PTPRM: variants seen among roughly 807,000 people sequenced by gnomAD.
The protein encoded by PTPRM is protein tyrosine phosphatase receptor type M, also known as receptor-type tyrosine-protein phosphatase mu.
Under a neutral mutation model 186.7 loss-of-function variants are expected in PTPRM, and 47 were observed. The observed-to-expected ratio is 0.25, with a 90% CI of 0.20 to 0.32. The LOEUF (loss-of-function observed/expected upper bound fraction) is 0.32, where lower values mean the gene tolerates loss of function less well. Ranked by LOEUF, PTPRM falls within the 10% of genes least tolerant of loss-of-function variation. PTPRM has a pLI of 1.00. For synonymous variants in PTPRM, 668 were observed against 674.9 expected (o/e 0.99, Z 0.16); for missense variants, 1,494 against 1,865.0 (o/e 0.80, Z 3.66).
intron 2 of PTPRM, among the ~76,000 whole-genome samples, chr18:7,873,979 GTCGAA>G (rs2048104021): frequency 6.6e-6 from 1 of 150,822 alleles, no homozygotes; most frequent in African/African-American, 2.5e-5. Context: ...CGTAGCAGGT[GTCGAA>G]AGTGTAAATT....
intron 7 of PTPRM, among the ~76,000 whole-genome samples, chr18:8,066,962 C>G (rs1475154171): frequency 6.6e-6 from 1 of 152,218 alleles, no homozygotes; most frequent in Non-Finnish European, 1.5e-5. Context: ...GGTACACAGA[C>G]AGAAGCCTTT....
At chr18:7,718,324 T>G (rs1045789701) in intron 1 of PTPRM, among the ~76,000 whole-genome samples, 9 of 152,140 alleles carry the variant, frequency 5.9e-5, no homozygotes, top group Non-Finnish European at 5.9e-5. Flanking sequence ...GGACACCCTA[T>G]TCAATAAATG....
Position 8,296,395 on chromosome 18 carries a change from T to C in PTPRM, c.2782T>C (p.Trp928Arg). 6.2e-7 allele frequency: 1 copy of C among 1,611,244 alleles called. No individual in the cohort carries two copies. The highest frequency in any genetic ancestry group is 8.5e-7 in the Non-Finnish European group (1 of 1,177,416). The change falls in exon 20 of 33, where the codon TGG becomes CGG. Residue 928 changes from tryptophan to arginine, a missense_variant. By Grantham distance (101) the Trp-to-Arg change is moderately radical. This residue lies in a region of PTPRM where 1,107 missense variants were observed against 1,350.2 expected (regional missense o/e 0.82). Transcript: ENST00000580170. ...CTTCTTTGAAGGGCAGTCTGCACCA[T>C]GGGACTCGGCTAAGAAAGATGAGAA... ...ESFFEGQSAP[W>R]DSAKKDENRM...
chr18:7,788,553 T>C (rs2145176621), intron 2 of PTPRM, among the ~76,000 whole-genome samples: 1 of 152,286 alleles, frequency 6.6e-6, no homozygotes, highest in East Asian at 1.9e-4. Context: ...GAAATTGTCA[T>C]ATATATTGTA....
chr18:7,574,482 CAAAT>C (rs924390746), intron 1 of PTPRM, among the ~76,000 whole-genome samples: 1 of 152,134 alleles, frequency 6.6e-6, no homozygotes, highest in African/African-American at 2.4e-5. Flanking sequence ...ATATTTAATT[CAAAT>C]AAATATTTAT....
chr18:8,392,448 C>T (rs1419665674), intron 31 of PTPRM, among the ~76,000 whole-genome samples: 2 of 151,956 alleles, frequency 1.3e-5, no homozygotes, highest in Non-Finnish European at 2.9e-5. Flanking sequence ...CACGGTGAAA[C>T]CCCATCTCTA....
In PTPRM at chr18:7,648,857, C is replaced by G. The variant is rs114200682; in HGVS notation, c.73+80966C>G. On this transcript the variant is annotated intron_variant, in intron 1 of 32. Transcript: ENST00000580170. ...AGATGCAGCCTGTTATCCAGAAGAT[C>G]TGGCTGAGATAATTGATGAAGGTGG... is the stretch of plus-strand genomic sequence containing the variant. 6.2e-3 allele frequency among the ~76,000 whole-genome samples: 948 copies of G among 152,300 alleles called. 10 individuals carry two copies. The highest frequency in any genetic ancestry group is 0.021 in the African/African-American group (881 of 41,568).
intron 14 of PTPRM, among the ~76,000 whole-genome samples, chr18:8,163,541 A>G (rs2093269153): frequency 6.6e-6 from 1 of 152,216 alleles, no homozygotes; most frequent in South Asian, 2.1e-4. Context: ...ACAATATTTT[A>G]CCAAAGGAAC....
chr18:7,790,577 C>G (rs569217706), intron 2 of PTPRM, among the ~76,000 whole-genome samples: 118 of 152,312 alleles, frequency 7.7e-4, no homozygotes, highest in African/African-American at 2.6e-3. Flanking sequence ...GATTATTTTT[C>G]TTTCCTCCCT....
At chr18:7,771,531 G>A (rs1244047797) in intron 1 of PTPRM, among the ~76,000 whole-genome samples, 2 of 152,198 alleles carry the variant, frequency 1.3e-5, no homozygotes, top group Non-Finnish European at 2.9e-5. Flanking sequence ...ACCCGTTGTT[G>A]TCAAGTGAAA....
At chr18:7,953,841 G>A (rs1054415854) in intron 6 of PTPRM, among the ~76,000 whole-genome samples, 2 of 152,194 alleles carry the variant, frequency 1.3e-5, no homozygotes, top group Non-Finnish European at 2.9e-5. Context: ...ATGCAAGAGG[G>A]TAGCAGAAAT....
At chr18:8,316,815 A>G (rs1199149546) in intron 21 of PTPRM, among the ~76,000 whole-genome samples, 1 of 152,238 alleles carries the variant, frequency 6.6e-6, no homozygotes, top group Non-Finnish European at 1.5e-5. Context: ...CGAGTGGCTC[A>G]GTCCCACTGA....
In PTPRM at chr18:7,955,236, G is replaced by A. The variant is rs769759315; in HGVS notation, c.954G>A (p.Val318=). 9 of 1,614,126 alleles carry A rather than the reference G, an allele frequency of 5.6e-6. No homozygotes were observed. In the South Asian group the frequency reaches 9.9e-5, roughly 18 times the overall value. The change falls in exon 7 of 33, where the codon GTG becomes GTA. Residue 318 remains valine (V), a synonymous_variant. Coordinates refer to ENST00000580170, the MANE Select transcript of PTPRM (RefSeq NM_001105244.2). ...ATGGGCCCATTGTGGCCCGAGAGGTGGAGTACTGCACGGCCAGTGGGAGCT... is the reference window on the plus strand; with the variant it reads ...ATGGGCCCATTGTGGCCCGAGAGGTAGAGTACTGCACGGCCAGTGGGAGCT... ...NGDGPIVARE[V]EYCTASGSWN...
chr18:8,067,190 A>G (rs2089147484), intron 7 of PTPRM, among the ~76,000 whole-genome samples: 2 of 152,188 alleles, frequency 1.3e-5, no homozygotes, highest in Non-Finnish European at 2.9e-5. Context: ...CCTGTGATGA[A>G]TAGGAGGCCT....
intron 1 of PTPRM, among the ~76,000 whole-genome samples, chr18:7,639,286 C>G (rs952890990): frequency 6.6e-6 from 1 of 151,558 alleles, no homozygotes; most frequent in Admixed American, 6.6e-5. Context: ...TAGCCAGAAT[C>G]GTCTCGATCT....
At chr18:7,759,615 T>A (rs1389877836) in intron 1 of PTPRM, among the ~76,000 whole-genome samples, 1 of 152,234 alleles carries the variant, frequency 6.6e-6, no homozygotes, top group Admixed American at 6.5e-5. Context: ...AATATTCTTA[T>A]GTAATCTGCA....
chr18:7,977,051 C>T (rs1465204431), intron 7 of PTPRM, among the ~76,000 whole-genome samples: 1 of 151,846 alleles, frequency 6.6e-6, no homozygotes, highest in Non-Finnish European at 1.5e-5. Context: ...ACCTTAGCTC[C>T]AGTTATAATG....
chr18:7,801,996 A>G (rs1218879802), intron 2 of PTPRM, among the ~76,000 whole-genome samples: 3 of 152,248 alleles, frequency 2.0e-5, no homozygotes, highest in Non-Finnish European at 2.9e-5. Flanking sequence ...AGTGCTTACT[A>G]TATTGGAGAG....
At chr18:8,348,534 C>T (rs1262608436) in intron 23 of PTPRM, among the ~76,000 whole-genome samples, 8 of 152,226 alleles carry the variant, frequency 5.3e-5, no homozygotes, top group Admixed American at 2.0e-4. Context: ...ATTGAAATGG[C>T]GCTGGAACGT....
Sources: allele counts gnomAD v4.1 joint callset (sites outside exome capture counted in the v4.1 genomes callset), GRCh38; gene constraint gnomAD v4.1.1; regional missense constraint gnomAD v4.1.1; transcripts MANE v1.5; gene names NCBI Gene and HGNC (gene_info 2026-07-23, HGNC 2026-07-21).